Variants in KAZN observed in about 807,000 individuals in gnomAD.
The protein encoded by KAZN is kazrin, periplakin interacting protein, also known as kazrin.
KAZN carries 40 observed loss-of-function variants against 87.4 expected under a neutral mutation model. That is an observed-to-expected ratio of 0.46 (90% confidence interval 0.36 to 0.60). The LOEUF is 0.60. Among genes scored for constraint, KAZN ranks in the 20% least tolerant of loss-of-function variants. KAZN has a pLI of 0.00. For synonymous variants in KAZN, 466 were observed against 458.3 expected (o/e 1.02, Z -0.22); for missense variants, 898 against 1,073.9 (o/e 0.84, Z 2.29).
intron 2 of KAZN, among the ~76,000 whole-genome samples, chr1:14,220,553 C>T (rs1376840866): frequency 6.6e-6 from 1 of 152,182 alleles, no homozygotes; most frequent in Admixed American, 6.5e-5. Flanking sequence ...CCTGTGATAG[C>T]TTAATTGGCA....
At position 15,112,499 on chromosome 1, in the gene KAZN, A is replaced by G; in HGVS notation, c.2121A>G (p.Gly707=). The G allele has an allele frequency of 6.2e-7, 1 of 1,606,698 alleles. No homozygotes were observed. Among genetic ancestry groups the G allele is most frequent in the Non-Finnish European group, 8.5e-7 (1 of 1,177,380 alleles). Residue 707 remains glycine, a synonymous_variant, in exon 14 of 15, where the codon GGA becomes GGG. Coordinates refer to ENST00000376030, the MANE Select transcript of KAZN (RefSeq NM_201628.3). Reference sequence around the variant, plus strand: ...GGGCCTCCAGCGTCACGCGGGCAGGAAAGGAGGAGAACAGCAGCGGTCTCA... The same window carrying G: ...GGGCCTCCAGCGTCACGCGGGCAGGGAAGGAGGAGAACAGCAGCGGTCTCA... The part of the protein sequence containing the change: ...PGRASSVTRA[G]KEENSSGLKY...
chr1:14,817,496 A>G (rs911664373), intron 1 of KAZN, among the ~76,000 whole-genome samples: 3 of 152,224 alleles, frequency 2.0e-5, no homozygotes, highest in Non-Finnish European at 4.4e-5. Flanking sequence ...TGGCACAAAC[A>G]TTACTATGGC....
intron 2 of KAZN, among the ~76,000 whole-genome samples, chr1:14,186,785 G>C (rs527736391): frequency 6.6e-6 from 1 of 152,132 alleles, no homozygotes. Context: ...TGCTGCATGC[G>C]TGGACTTCAT....
At chr1:15,049,725 A>T (rs1427993431) in intron 4 of KAZN, among the ~76,000 whole-genome samples, 1 of 152,118 alleles carries the variant, frequency 6.6e-6, no homozygotes, top group Non-Finnish European at 1.5e-5. Flanking sequence ...TTCCTCCTGT[A>T]TAAAATCAGA....
At chr1:14,478,470 A>C (rs1668896062) in intron 2 of KAZN, among the ~76,000 whole-genome samples, 4 of 152,154 alleles carry the variant, frequency 2.6e-5, no homozygotes, top group Admixed American at 2.6e-4. Flanking sequence ...ATGAATGAAA[A>C]ATCACAGAGG....
chr1:14,114,840 G>A (rs1215176428), intron 1 of KAZN, among the ~76,000 whole-genome samples: 1 of 152,184 alleles, frequency 6.6e-6, no homozygotes, highest in African/African-American at 2.4e-5. Context: ...GATTCCATAA[G>A]GCAGGTGCTG....
chr1:13,995,847 A>G (rs1639488638), intron 1 of KAZN, among the ~76,000 whole-genome samples: 2 of 151,906 alleles, frequency 1.3e-5, no homozygotes, highest in Non-Finnish European at 2.9e-5. Context: ...ATTTTTCCAG[A>G]TTTTTTTTCT....
At chr1:14,849,294 A>G (rs1649155334) in intron 1 of KAZN, among the ~76,000 whole-genome samples, 1 of 152,208 alleles carries the variant, frequency 6.6e-6, no homozygotes, top group Admixed American at 6.5e-5. Context: ...TGAACATTAC[A>G]GCCCTCATTT....
At chr1:14,092,530 GGTAT>G (rs1644023709) in intron 1 of KAZN, among the ~76,000 whole-genome samples, 1 of 145,814 alleles carries the variant, frequency 6.9e-6, no homozygotes, top group South Asian at 2.2e-4. Flanking sequence ...TGTGTGTAGG[GGTAT>G]GTATGTACAT....
chr1:14,241,478 C>A (rs1229976793), intron 2 of KAZN, among the ~76,000 whole-genome samples: 1 of 152,216 alleles, frequency 6.6e-6, no homozygotes, highest in Admixed American at 6.5e-5. Flanking sequence ...GGAGACAAAT[C>A]TTAAATGCAC....
chr1:14,496,578 A>T (rs535306617), intron 2 of KAZN, among the ~76,000 whole-genome samples: 3 of 152,250 alleles, frequency 2.0e-5, no homozygotes, highest in Non-Finnish European at 2.9e-5. Flanking sequence ...AAGGTTCGTG[A>T]TCACTTTTGA....
chr1:15,041,727 T>C (rs1474156138), intron 3 of KAZN, among the ~76,000 whole-genome samples: 1 of 151,714 alleles, frequency 6.6e-6, no homozygotes, highest in Admixed American at 6.6e-5. Flanking sequence ...CCCCATGAGG[T>C]CTTGGCCAAA....
chr1:14,420,780 C>G (rs1018900292), intron 2 of KAZN, among the ~76,000 whole-genome samples: 5 of 152,112 alleles, frequency 3.3e-5, no homozygotes, highest in Non-Finnish European at 5.9e-5. Context: ...GCCGGCGGCA[C>G]CAGCCGGCCA....
At chr1:14,436,492 C>A (rs1666390255) in intron 2 of KAZN, among the ~76,000 whole-genome samples, 1 of 151,802 alleles carries the variant, frequency 6.6e-6, no homozygotes, top group Non-Finnish European at 1.5e-5. Flanking sequence ...CCGAGGCAGG[C>A]AGATCACCTG....
chr1:14,557,665 TG>T (rs1157388971), intron 2 of KAZN, among the ~76,000 whole-genome samples: 1,270 of 122,628 alleles, frequency 0.01, 5 homozygotes, highest in Non-Finnish European at 0.015. Context: ...TGTGTGTGTG[TG>T]GTGTGTGAGA....
intron 2 of KAZN, among the ~76,000 whole-genome samples, chr1:14,539,911 C>T (rs1672710479): frequency 6.6e-6 from 1 of 152,160 alleles, no homozygotes; most frequent in Non-Finnish European, 1.5e-5. Context: ...TTAAAGTCAT[C>T]TTTTCCTGAT....
chr1:14,038,118 GCT>G (rs1641640177), intron 1 of KAZN, among the ~76,000 whole-genome samples: 1 of 152,042 alleles, frequency 6.6e-6, no homozygotes. Context: ...TATATGCCAG[GCT>G]CTGTTTTAGG....
chr1:14,498,452 G>A (rs925874697), intron 2 of KAZN, among the ~76,000 whole-genome samples: 1 of 152,202 alleles, frequency 6.6e-6, no homozygotes, highest in African/African-American at 2.4e-5. Context: ...AGCACTTTGG[G>A]AGGCCGAGGC....
intron 2 of KAZN, among the ~76,000 whole-genome samples, chr1:14,990,095 A>G (rs1465095078): frequency 6.6e-6 from 1 of 152,218 alleles, no homozygotes; most frequent in Non-Finnish European, 1.5e-5. Context: ...GCTAATCCAG[A>G]TGCAGGCCTG....
Sources: allele counts gnomAD v4.1 joint callset (sites outside exome capture counted in the v4.1 genomes callset), GRCh38; gene constraint gnomAD v4.1.1; transcripts MANE v1.5; gene names NCBI Gene and HGNC (gene_info 2026-07-23, HGNC 2026-07-21).